PPP1R21: variants seen among roughly 807,000 people sequenced by gnomAD.
PPP1R21 encodes the protein protein phosphatase 1 regulatory subunit 21.
PPP1R21 carries 85 observed loss-of-function variants against 112.8 expected under a neutral mutation model. That is an observed-to-expected ratio of 0.75 (90% CI 0.63 to 0.90). The LOEUF (loss-of-function observed/expected upper bound fraction) is 0.90. PPP1R21 is among the 40% of genes least tolerant of loss of function. The pLI is 0.00. For missense variants in PPP1R21, 1,199 were observed against 901.5 expected, an observed-to-expected ratio of 1.33 and a Z score of -4.23; for synonymous variants, 381 against 322.3, an observed-to-expected ratio of 1.18 and a Z score of -1.95.
chr2:48,478,132 A>G (rs1247525678), intron 12 of PPP1R21, among the ~76,000 whole-genome samples: 2 of 152,180 alleles, frequency 1.3e-5, no homozygotes, highest in East Asian at 3.9e-4. Flanking sequence ...AGAGGCAAGA[A>G]AGAATTCTCC....
In PPP1R21 at chr2:48,507,351, T is replaced by C; in HGVS notation, c.2051T>C (p.Leu684Pro). ...GTGGAACTTACGTCTCAGTTGCAGC[T>C]GGCTGACAGTAAGTCAGTGCATTTT... ...RIVELTSQLQ[L>P]ADSKSVHFYA... The change falls in exon 19 of 22, where the codon CTG becomes CCG. Residue 684 changes from leucine to proline, a missense_variant. By Grantham distance (98) the Leu-to-Pro change is moderately conservative. Coordinates refer to ENST00000294952, the MANE Select transcript of PPP1R21 (RefSeq NM_001135629.3). The C allele has an allele frequency of 6.3e-7, 1 of 1,596,548 alleles. No individual in the cohort carries two copies. The highest frequency in any genetic ancestry group is 8.5e-7 in the Non-Finnish European group (1 of 1,174,744).
At chr2:48,510,655 G>C (rs2103676655) in intron 20 of PPP1R21, among the ~76,000 whole-genome samples, 1 of 152,336 alleles carries the variant, frequency 6.6e-6, no homozygotes, top group East Asian at 1.9e-4. Context: ...CACAGGATTA[G>C]ATTTTAGGCA....
In PPP1R21 at chr2:48,449,159, C is replaced by T. The variant is rs959685675; in HGVS notation, c.58-1849C>T. Among the ~76,000 whole-genome samples the T allele has an allele frequency of 8.6e-5, 13 of 151,932 alleles. 1 individual carries two copies. In the East Asian group the frequency reaches 2.5e-3, roughly 29 times the overall value. On this transcript the variant is annotated intron_variant, in intron 1 of 21. Transcript: ENST00000294952. ...TCTCACCCATATCAATCAAGGTGTA[C>T]AATGCCTTACACCATGCAAACTATA... is the stretch of plus-strand genomic sequence containing the variant.
intron 1 of PPP1R21, among the ~76,000 whole-genome samples, chr2:48,445,168 G>C (rs1471039794): frequency 1.5e-5 from 2 of 133,990 alleles, no homozygotes. Context: ...ACCCTGATGT[G>C]TAGGTAGGAT....
chr2:48,447,967 A>AAATG lies in PPP1R21; in HGVS notation c.58-3038_58-3037insGAAT, dbSNP rs1400628469. Among the ~76,000 whole-genome samples, 49 of 151,666 alleles carry AAATG rather than the reference A, an allele frequency of 3.2e-4. 1 individual carries two copies. The highest frequency in any genetic ancestry group is 1.2e-3 in the African/African-American group (49 of 41,492). On this transcript the variant is annotated intron_variant, in intron 1 of 21. Coordinates refer to ENST00000294952, the MANE Select transcript of PPP1R21 (RefSeq NM_001135629.3). ...TCAGTCTCAAAATAAATAAATAAAT[A>AAATG]AATAATAAAATAAAAAAAAAAGATC...
At chr2:48,506,544 C>T (rs1335729122) in intron 18 of PPP1R21, among the ~76,000 whole-genome samples, 1 of 152,162 alleles carries the variant, frequency 6.6e-6, no homozygotes, top group African/African-American at 2.4e-5. Flanking sequence ...TGAACTTCTG[C>T]GTGTATTTTT....
chr2:48,497,215 C>G (rs1466674453), intron 16 of PPP1R21, among the ~76,000 whole-genome samples: 1 of 152,146 alleles, frequency 6.6e-6, no homozygotes, highest in Admixed American at 6.5e-5. Context: ...TGGGAGGACA[C>G]CCAGCTGATG....
At chr2:48,467,017 T>G (rs779638115) in intron 9 of PPP1R21, among the ~76,000 whole-genome samples, 1 of 152,176 alleles carries the variant, frequency 6.6e-6, no homozygotes, top group Non-Finnish European at 1.5e-5. Context: ...AAAAATTAAT[T>G]TGCTGGCATT....
chr2:48,507,044 G>A (rs1003991357), intron 18 of PPP1R21, among the ~76,000 whole-genome samples: 3 of 151,360 alleles, frequency 2.0e-5, no homozygotes, highest in Non-Finnish European at 4.4e-5. Context: ...CTGTTTTCTT[G>A]AAGCCATAAC....
chr2:48,499,555 C>T (rs1670006423), intron 17 of PPP1R21, among the ~76,000 whole-genome samples: 1 of 152,026 alleles, frequency 6.6e-6, no homozygotes, highest in Non-Finnish European at 1.5e-5. Context: ...GACCCTGTGT[C>T]TACCAAAAGT....
intron 12 of PPP1R21, 74 bp from the exon 13 acceptor site, chr2:48,479,850 C>A (rs975381984): frequency 3.3e-6 from 3 of 919,564 alleles, no homozygotes; most frequent in Non-Finnish European, 3.6e-6. Flanking sequence ...TCTCTATCTT[C>A]CCAAAAGTAG....
In PPP1R21 at chr2:48,440,870, G is replaced by A. The variant is rs1473231702; in HGVS notation, c.-84G>A. 2.9e-6 allele frequency: 3 copies of A among 1,017,450 alleles called. No homozygotes were observed. Among genetic ancestry groups the A allele is most frequent in the Non-Finnish European group, 3.0e-6 (2 of 674,186 alleles). The allele number at this position is 1,017,450 out of a possible 1,614,324, so 63.0% of individuals were successfully genotyped here. On this transcript the variant is annotated 5_prime_UTR_variant, in exon 1 of 22. Transcript: ENST00000294952. ...CAAGCAGGCAGATACTGCCTGACCCGTTCCCGGGAGCGTGTCTGGGTTTGG... is the reference window on the plus strand; with the variant it reads ...CAAGCAGGCAGATACTGCCTGACCCATTCCCGGGAGCGTGTCTGGGTTTGG...
At chr2:48,454,031 G>T (rs1667599599) in intron 2 of PPP1R21, among the ~76,000 whole-genome samples, 1 of 152,022 alleles carries the variant, frequency 6.6e-6, no homozygotes, top group Non-Finnish European at 1.5e-5. Flanking sequence ...GGCCGAGGCA[G>T]GTGGATCACC....
intron 12 of PPP1R21, among the ~76,000 whole-genome samples, chr2:48,475,804 G>C (rs1668727480): frequency 6.6e-6 from 1 of 151,802 alleles, no homozygotes; most frequent in Non-Finnish European, 1.5e-5. Flanking sequence ...CTGAGATCGT[G>C]CCATTGCGCT....
chr2:48,441,477 A>C, intron 1 of PPP1R21: 1 of 210,362 alleles, frequency 4.8e-6, no homozygotes. Context: ...GAGGGTAAAT[A>C]GAGACATTCG....
At chr2:48,513,752 T>A (rs1670741946) in intron 21 of PPP1R21, among the ~76,000 whole-genome samples, 1 of 152,226 alleles carries the variant, frequency 6.6e-6, no homozygotes, top group African/African-American at 2.4e-5. Flanking sequence ...TCTTAGTGTT[T>A]ATATTCTGCA....
rs1051952114 is a variant in PPP1R21 at position 48,440,835 on chromosome 2, C to T, written c.-119C>T. ...GGCGCGGCGGCGGCGGCGGCGGCGGCTGCGGTGGCCAAGCAGGCAGATACT... is the reference window on the plus strand; with the variant it reads ...GGCGCGGCGGCGGCGGCGGCGGCGGTTGCGGTGGCCAAGCAGGCAGATACT... On this transcript the variant is annotated 5_prime_UTR_variant, in exon 1 of 22. Coordinates refer to ENST00000294952, the MANE Select transcript of PPP1R21 (RefSeq NM_001135629.3). 1.7e-5 allele frequency: 12 copies of T among 717,492 alleles called. No individual in the cohort carries two copies. The African/African-American group carries it at 2.1e-4, about 12-fold the overall frequency. 44.4% of individuals were successfully genotyped at this position (717,492 alleles called of 1,614,324 possible).
intron 1 of PPP1R21, among the ~76,000 whole-genome samples, chr2:48,450,126 C>A (rs777176939): frequency 6.6e-6 from 1 of 152,054 alleles, no homozygotes; most frequent in Non-Finnish European, 1.5e-5. Flanking sequence ...CCAAGTTTTA[C>A]CTCTTTCTCC....
At chr2:48,491,913 C>T (rs1431566155) in intron 15 of PPP1R21, among the ~76,000 whole-genome samples, 2 of 151,966 alleles carry the variant, frequency 1.3e-5, no homozygotes, top group Non-Finnish European at 2.9e-5. Flanking sequence ...TTAGCTGCTC[C>T]TTGGGGAGCA....
Sources: allele counts gnomAD v4.1 joint callset (sites outside exome capture counted in the v4.1 genomes callset), GRCh38; gene constraint gnomAD v4.1.1; transcripts MANE v1.5; gene names NCBI Gene and HGNC (gene_info 2026-07-23, HGNC 2026-07-21).